The following TMEM94 variants were observed in gnomAD, a reference collection of about 807,000 sequenced individuals.
TMEM94 encodes the protein transmembrane protein 94.
TMEM94 carries 81 observed loss-of-function variants against 158.6 expected under a neutral mutation model. The ratio of observed to expected loss-of-function variants is 0.51; its 90% CI spans 0.43 to 0.61. The LOEUF is 0.61. Among genes scored for constraint, TMEM94 ranks in the 20% least tolerant of loss-of-function variants. The pLI is 0.00. For synonymous variants in TMEM94, 751 were observed against 730.7 expected, an observed-to-expected ratio of 1.03 and a Z score of -0.45; for missense variants, 1,435 against 1,762.0, an observed-to-expected ratio of 0.81 and a Z score of 3.32.
rs1263257528 is a variant in TMEM94, at chr17:75,488,085, T to G, written c.563T>G (p.Ile188Arg). 2.5e-6 allele frequency: 4 copies of G among 1,614,034 alleles called. No individual in the cohort carries two copies. Among genetic ancestry groups the G allele is most frequent in the Non-Finnish European group, 8.5e-7 (1 of 1,180,030 alleles). Reference protein sequence around the residue: ...PVSLLVEGDIIALRPGQESFA... With the variant: ...PVSLLVEGDIRALRPGQESFA... The stretch of plus-strand genomic sequence containing the variant: ...AGCCTGCTGGTTGAAGGAGACATCA[T>G]AGCTTTGAGGCCTGGCCAGGAATCG... Residue 188 changes from isoleucine (I) to arginine (R), a missense_variant, in exon 6 of 32, where the codon ATA becomes AGA. Transcript: ENST00000314256.
intron 2 of TMEM94, among the ~76,000 whole-genome samples, chr17:75,473,853 G>T (rs578259987): frequency 6.6e-6 from 1 of 152,136 alleles, no homozygotes; most frequent in African/African-American, 2.4e-5. Context: ...AGTGGCTCAC[G>T]TCTGTAATCT....
intron 1 of TMEM94, among the ~76,000 whole-genome samples, chr17:75,463,032 AAAAAAATATATATATAT>A (rs1475810711): frequency 1.2e-3 from 7 of 5,962 alleles, no homozygotes; most frequent in African/African-American, 4.8e-3. Flanking sequence ...AAAAAAAAAA[AAAAAAATATATATATAT>A]ATATATATAT....
In TMEM94 at chr17:75,494,833, A is replaced by T. The variant is rs1424899229; in HGVS notation, c.2589+25A>T. ...GGTGGGGAGAGCCATCCCTTCTGCC[A>T]CCACTAACTCTGTTTCCACGGGCTT... On this transcript the variant is annotated intron_variant, in intron 19 of 31. Transcript: ENST00000314256. 3 of 1,612,808 alleles carry T rather than the reference A, an allele frequency of 1.9e-6. No homozygotes were observed. The African/African-American group carries it at 4.0e-5, about 22-fold the overall frequency.
rs142474522 is a variant in TMEM94, at chr17:75,500,024, G to A, written c.*690G>A. ...TTTCTACTGGTGTATATTTTTTACT[G>A]GAAATGAGCCTTTTAGGAATGAATG... On this transcript the variant is annotated 3_prime_UTR_variant, in exon 32 of 32. Transcript: ENST00000314256. 6.5e-6 allele frequency: 1 copy of A among 152,868 alleles called. No individual in the cohort carries two copies. The highest frequency in any genetic ancestry group is 1.9e-4 in the East Asian group (1 of 5,192). The allele number at this position is 152,868 out of a possible 1,614,324, so 9.5% of individuals were successfully genotyped here. A position where few individuals can be genotyped will look rare whatever the true frequency, so the allele number is the denominator to read the frequency against.
At chr17:75,486,508 C>T in intron 5 of TMEM94, 82 bp downstream of exon 5, 1 of 1,558,256 alleles carries the variant, frequency 6.4e-7, no homozygotes, top group African/African-American at 1.4e-5. Context: ...TGCACCCCAG[C>T]ACAGACGGGT....
At position 75,496,465 on chromosome 17, in the gene TMEM94, C is replaced by T. The variant is rs769720010; in HGVS notation, c.3237C>T (p.Ile1079=). The part of the protein sequence containing the change: ...QEETISIIRL[I]EQARHATYGI... Reference sequence around the variant, plus strand: ...AGACCATCAGCATCATCCGGCTTATCGAACAGGTGGGTGCTTCGGCAGGCA... The same window carrying T: ...AGACCATCAGCATCATCCGGCTTATTGAACAGGTGGGTGCTTCGGCAGGCA... The change falls in exon 24 of 32, where the codon ATC becomes ATT. Residue 1079 remains isoleucine (I), a synonymous_variant. Coordinates refer to ENST00000314256, the MANE Select transcript of TMEM94 (RefSeq NM_014738.6). The T allele has an allele frequency of 1.9e-6, 3 of 1,611,610 alleles. No homozygotes were observed. The highest frequency in any genetic ancestry group is 2.5e-6 in the Non-Finnish European group (3 of 1,178,598).
chr17:75,459,980 A>C (rs963247396), intron 1 of TMEM94, among the ~76,000 whole-genome samples: 1 of 152,192 alleles, frequency 6.6e-6, no homozygotes, highest in Admixed American at 6.6e-5. Flanking sequence ...CAGACCCGCC[A>C]GCCAGAATGT....
intron 1 of TMEM94, among the ~76,000 whole-genome samples, chr17:75,464,672 CTTCCTTCT>C (rs1243153030): frequency 0.034 from 2,944 of 86,132 alleles, 60 homozygotes; most frequent in Non-Finnish European, 0.047. Context: ...TCCTTCCTTC[CTTCCTTCT>C]TTCTTTCTTT....
chr17:75,464,268 C>T (rs1437442475), intron 1 of TMEM94, among the ~76,000 whole-genome samples: 4 of 152,066 alleles, frequency 2.6e-5, no homozygotes, highest in Non-Finnish European at 5.9e-5. Flanking sequence ...CCCTCTGATC[C>T]ATTTTCTACC....
At position 75,486,092 on chromosome 17, in the gene TMEM94, C is replaced by A. The variant is rs2051579530; in HGVS notation, c.272+94C>A. Reference sequence around the variant, plus strand: ...AGACCAGGGCTCTTGGGGGCTGTCACCCCCAAGCTGCTCCTGGGATGTAAG... The same window carrying A: ...AGACCAGGGCTCTTGGGGGCTGTCAACCCCAAGCTGCTCCTGGGATGTAAG... On this transcript the variant is annotated intron_variant, in intron 4 of 31. Transcript: ENST00000314256. 1.2e-5 allele frequency: 17 copies of A among 1,470,034 alleles called. 1 individual carries two copies. The highest frequency in any genetic ancestry group is 2.5e-4 in the Middle Eastern group (1 of 3,986). The allele number at this position is 1,470,034 out of a possible 1,614,324, so 91.1% of individuals were successfully genotyped here.
chr17:75,468,251 T>A (rs2050375978), intron 1 of TMEM94, among the ~76,000 whole-genome samples: 1 of 152,178 alleles, frequency 6.6e-6, no homozygotes, highest in South Asian at 2.1e-4. Context: ...CAGAATCCCA[T>A]GTATGGAATG....
In TMEM94 at chr17:75,495,486, T is replaced by C; in HGVS notation, c.2845-58T>C. ...AGGTAGAGAGGTGGTGGGCAGGCGG[T>C]GGAGGGGAGGGATGCTGATCCCCAT... On this transcript the variant is annotated intron_variant, in intron 21 of 31. Coordinates refer to ENST00000314256, the MANE Select transcript of TMEM94 (RefSeq NM_014738.6). This position sits in a 1 kb window ranked among gnomAD's most constrained non-coding sequence, Gnocchi z 5.6. 6.3e-7 allele frequency: 1 copy of C among 1,596,680 alleles called. No homozygotes were observed. The highest frequency in any genetic ancestry group is 8.6e-7 in the Non-Finnish European group (1 of 1,165,606).
In TMEM94 at chr17:75,489,997, T is replaced by C. The variant is rs923538834; in HGVS notation, c.955-237T>C. 3.4e-6 allele frequency: 2 copies of C among 585,752 alleles called. No homozygotes were observed. The highest frequency in any genetic ancestry group is 1.9e-5 in the African/African-American group (1 of 53,370). The allele number at this position is 585,752 out of a possible 1,614,324, so 36.3% of individuals were successfully genotyped here. A position where few individuals can be genotyped will look rare whatever the true frequency, so the allele number is the denominator to read the frequency against. On this transcript the variant is annotated intron_variant, in intron 9 of 31. Transcript: ENST00000314256. The surrounding 1 kb of genome is among the most constrained non-coding windows in gnomAD (Gnocchi z 5.0). ...AGGTGGCTGAGGTGGGAGAATCCCT[T>C]GAACCTGGGAGGTGGAGGTTGCAGT...
chr17:75,481,115 C>G (rs1598363561), intron 2 of TMEM94, among the ~76,000 whole-genome samples: 3 of 152,340 alleles, frequency 2.0e-5, no homozygotes, highest in Admixed American at 6.5e-5. Flanking sequence ...CCCTTACAAC[C>G]CTCCCTGAAG....
chr17:75,481,788 G>T (rs1489067536), intron 2 of TMEM94, among the ~76,000 whole-genome samples: 1 of 152,192 alleles, frequency 6.6e-6, no homozygotes, highest in African/African-American at 2.4e-5. Flanking sequence ...GGTGCCTGAG[G>T]TCTAGGGATT....
intron 1 of TMEM94, among the ~76,000 whole-genome samples, chr17:75,465,650 A>AATTTT (rs2050273867): frequency 2.7e-4 from 7 of 25,740 alleles, no homozygotes; most frequent in African/African-American, 1.2e-3. Context: ...GAGCTATAAG[A>AATTTT]ATTTTTATAT....
intron 2 of TMEM94, among the ~76,000 whole-genome samples, chr17:75,476,345 C>T (rs574428779): frequency 1.3e-5 from 2 of 152,316 alleles, no homozygotes; most frequent in African/African-American, 2.4e-5. Flanking sequence ...GGCCAAGCTC[C>T]TGGATATCTG....
In TMEM94 at chr17:75,492,007, C is replaced by A; in HGVS notation, c.1596+107C>A. On this transcript the variant is annotated intron_variant, in intron 14 of 31. Transcript: ENST00000314256. This position sits in a 1 kb window ranked among gnomAD's most constrained non-coding sequence, Gnocchi z 4.4. Reference sequence around the variant, plus strand: ...GGTCTGAAAGAGCAGGCGTCTCTGCCCTCTGTCCCAGCACCTCCAGGCTAG... The same window carrying A: ...GGTCTGAAAGAGCAGGCGTCTCTGCACTCTGTCCCAGCACCTCCAGGCTAG... The A allele has an allele frequency of 8.5e-7, 1 of 1,174,046 alleles. No homozygotes were observed. Among genetic ancestry groups the A allele is most frequent in the Non-Finnish European group, 1.2e-6 (1 of 824,020 alleles). 72.7% of individuals were successfully genotyped at this position (1,174,046 alleles called of 1,614,324 possible).
intron 9 of TMEM94, 104 bp from the exon 10 acceptor site, chr17:75,490,130 C>T (rs2052026276): frequency 1.3e-6 from 2 of 1,490,994 alleles, no homozygotes; most frequent in Admixed American, 4.5e-5. Flanking sequence ...AGAGAGCTGG[C>T]CCTTCCTGCC....
Sources: allele counts gnomAD v4.1 joint callset (sites outside exome capture counted in the v4.1 genomes callset), GRCh38; gene constraint gnomAD v4.1.1; non-coding constraint Gnocchi (gnomAD v3.1); transcripts MANE v1.5; gene names NCBI Gene and HGNC (gene_info 2026-07-23, HGNC 2026-07-21).